Variants in AR observed in about 807,000 individuals in gnomAD.
AR encodes androgen receptor, also known as dihydrotestosterone receptor.
A neutral mutation model predicts 53.9 loss-of-function variants in AR; 8 were observed. That is an observed-to-expected ratio of 0.15 (90% CI 0.09 to 0.27). The LOEUF (loss-of-function observed/expected upper bound fraction) is 0.27, where lower values mean the gene tolerates loss of function less well. Among genes scored for constraint, AR ranks in the 10% least tolerant of loss-of-function variants. The pLI is 1.00. For synonymous variants in AR, 359 were observed against 316.4 expected (o/e 1.13, Z -1.43); for missense variants, 639 against 742.5 (o/e 0.86, Z 1.62).
At chrX:67,696,715 C>A (rs1465297955) in intron 3 of AR, among the ~76,000 whole-genome samples, 1 of 111,093 alleles carries the variant, frequency 9.0e-6, no homozygotes, top group East Asian at 2.9e-4. Context: ...TGGTTGCACT[C>A]CCTACTAATC....
At chrX:67,637,378 C>T (rs1925492358) in intron 1 of AR, among the ~76,000 whole-genome samples, 1 of 88,193 alleles carries the variant, frequency 1.1e-5, no homozygotes, top group African/African-American at 4.3e-5. Flanking sequence ...CTTCCTGTGT[C>T]CATGTGTTCT....
intron 2 of AR, among the ~76,000 whole-genome samples, chrX:67,670,394 A>T (rs976904758): frequency 1.9e-5 from 2 of 103,355 alleles, no homozygotes; most frequent in Non-Finnish European, 3.9e-5. Flanking sequence ...TAAAATAATA[A>T]TTTTTATTTA....
At chrX:67,685,115 C>T (rs999127655) in intron 2 of AR, among the ~76,000 whole-genome samples, 8 of 111,323 alleles carry the variant, frequency 7.2e-5, no homozygotes, top group Non-Finnish European at 1.5e-4. Context: ...TCAGAGCAGC[C>T]AAGGATGTAT....
At chrX:67,626,168 C>G (rs772085336) in intron 1 of AR, among the ~76,000 whole-genome samples, 1 of 110,899 alleles carries the variant, frequency 9.0e-6, no homozygotes, top group Non-Finnish European at 1.9e-5. Context: ...GTTATTCATT[C>G]TATCTAACTA....
chrX:67,597,624 T>C (rs2147372185), intron 1 of AR, among the ~76,000 whole-genome samples: 1 of 111,952 alleles, frequency 8.9e-6, no homozygotes, highest in East Asian at 2.8e-4. Flanking sequence ...CAGAGAGCTG[T>C]ATGCTACTGA....
Position 67,652,153 on chromosome X carries a change from T to C in AR, c.1768+8746T>C, listed in dbSNP as rs754559467. On this transcript the variant is annotated intron_variant, in intron 2 of 7. Transcript: ENST00000374690. ...AAATAGAGAATATTGTCTTTCAGGA[T>C]AGAATTAAAAAGTCATAGAGGCAGC... Among the ~76,000 whole-genome samples, 5 of 111,941 alleles carry C rather than the reference T, an allele frequency of 4.5e-5. No homozygotes were observed. The East Asian group carries it at 1.4e-3, about 32-fold the overall frequency.
Position 67,645,611 on chromosome X carries a change from A to G in AR, c.1768+2204A>G, listed in dbSNP as rs943407427. On this transcript the variant is annotated intron_variant, in intron 2 of 7. Transcript: ENST00000374690. ...CTGCTTGAAATATGAAAAATCAGCAATGGATTCCTTGAAAAACAATGAAAA... is the reference window on the plus strand; with the variant it reads ...CTGCTTGAAATATGAAAAATCAGCAGTGGATTCCTTGAAAAACAATGAAAA... Among the ~76,000 whole-genome samples the G allele has an allele frequency of 2.7e-5, 3 of 111,146 alleles. No individual in the cohort carries two copies. The East Asian group carries it at 8.6e-4, about 32-fold the overall frequency.
At chrX:67,665,246 C>A (rs1055676869) in intron 2 of AR, among the ~76,000 whole-genome samples, 5 of 112,451 alleles carry the variant, frequency 4.4e-5, no homozygotes, top group Admixed American at 1.9e-4. Context: ...TCCTATTCGG[C>A]CATCTTCACA....
At chrX:67,629,016 A>G (rs902092399) in intron 1 of AR, among the ~76,000 whole-genome samples, 10 of 111,325 alleles carry the variant, frequency 9.0e-5, no homozygotes, top group Non-Finnish European at 1.5e-4. Context: ...AAGCTTTTTG[A>G]TGTGCTGCTG....
At chrX:67,720,629 G>T (rs2076131807) in intron 5 of AR, among the ~76,000 whole-genome samples, 1 of 111,334 alleles carries the variant, frequency 9.0e-6, no homozygotes, top group Non-Finnish European at 1.9e-5. Flanking sequence ...AGCCTGAGTT[G>T]AATAATTCTA....
intron 1 of AR, among the ~76,000 whole-genome samples, chrX:67,561,624 G>A (rs1393629552): frequency 9.0e-6 from 1 of 111,528 alleles, no homozygotes; most frequent in Non-Finnish European, 1.9e-5. Context: ...GTGGGGGAAT[G>A]GAACCATGCC....
intron 2 of AR, among the ~76,000 whole-genome samples, chrX:67,659,839 G>A (rs764726871): frequency 4.1e-4 from 46 of 111,846 alleles, no homozygotes; most frequent in African/African-American, 1.4e-3. Context: ...CACCAACAGT[G>A]TAAAAGGGTT....
chrX:67,663,084 C>A (rs1386271422), intron 2 of AR, among the ~76,000 whole-genome samples: 4 of 111,641 alleles, frequency 3.6e-5, no homozygotes, highest in Non-Finnish European at 7.5e-5. Flanking sequence ...ATCCAATTTG[C>A]CAGTCTGTGT....
chrX:67,723,446 A>G (rs1193286068), intron 7 of AR, among the ~76,000 whole-genome samples: 1 of 102,165 alleles, frequency 9.8e-6, no homozygotes, highest in Non-Finnish European at 2.0e-5. Flanking sequence ...TTACAATGGT[A>G]TAAGACATCT....
At chrX:67,715,192 G>A (rs2076108252) in intron 4 of AR, among the ~76,000 whole-genome samples, 1 of 110,884 alleles carries the variant, frequency 9.0e-6, no homozygotes, top group African/African-American at 3.3e-5. Context: ...GATATTCAGG[G>A]TCAACCTCCC....
chrX:67,603,441 C>T (rs943038390), intron 1 of AR, among the ~76,000 whole-genome samples: 1 of 111,691 alleles, frequency 9.0e-6, no homozygotes, highest in South Asian at 3.8e-4. Context: ...AGGAGATTGT[C>T]TGTGAACTGG....
chrX:67,620,923 G>T (rs1281091414), intron 1 of AR, among the ~76,000 whole-genome samples: 2 of 111,511 alleles, frequency 1.8e-5, no homozygotes, highest in African/African-American at 6.5e-5. Context: ...CCAGAAAGAG[G>T]GTAGCTCCAT....
At position 67,562,376 on chromosome X, in the gene AR, G is replaced by GTGTGTGTGTGTGTC. The variant is rs1555971660; in HGVS notation, c.1616+15627_1616+15628insCTGTGTGTGTGTGT. Among the ~76,000 whole-genome samples the GTGTGTGTGTGTGTC allele has an allele frequency of 2.0e-3, 216 of 109,339 alleles. 1 individual carries two copies. The highest frequency in any genetic ancestry group is 7.0e-3 in the African/African-American group (209 of 29,953). The allele number at this position is 109,339 out of a possible 115,157, so 94.9% of individuals were successfully genotyped here. On this transcript the variant is annotated intron_variant, in intron 1 of 7. Coordinates refer to ENST00000374690, the MANE Select transcript of AR (RefSeq NM_000044.6). ...TGTATATGTGTGTGTGTGTGTGTGT[G>GTGTGTGTGTGTGTC]TGTGTGTGTGTGTGTGTGTATGTGT...
intron 5 of AR, 24 bp from the exon 6 acceptor site, chrX:67,721,809 T>C (rs1284434419): frequency 8.3e-7 from 1 of 1,208,549 alleles, no homozygotes; most frequent in Non-Finnish European, 1.1e-6. Context: ...TCATTCCTTT[T>C]TCCTCTGTGT....
Sources: gnomAD v4.1 joint callset for allele counts (sites outside exome capture counted in the v4.1 genomes callset) on GRCh38, gnomAD v4.1.1 for gene constraint, MANE v1.5 for transcripts, NCBI Gene and HGNC (gene_info 2026-07-23, HGNC 2026-07-21) for gene names.